DMD: variants seen among roughly 807,000 people sequenced by gnomAD.
The protein encoded by DMD is mutant dystrophin.
Under a neutral mutation model 330.1 loss-of-function variants are expected in DMD, and 63 were observed. The ratio of observed to expected loss-of-function variants is 0.19; its 90% confidence interval spans 0.16 to 0.24. The LOEUF is 0.24. Ranked by LOEUF, DMD falls within the 10% of genes least tolerant of loss-of-function variation. The pLI is 1.00. For synonymous variants in DMD, 1,223 were observed against 959.8 expected, an observed-to-expected ratio of 1.27 and a Z score of -5.07; for missense variants, 3,344 against 2,684.1, an observed-to-expected ratio of 1.25 and a Z score of -5.43.
intron 45 of DMD, among the ~76,000 whole-genome samples, chrX:31,963,787 CTTT>C (rs369054870): frequency 5.0e-5 from 4 of 80,428 alleles, no homozygotes; most frequent in Admixed American, 1.4e-4. Context: ...GAGGAAAAAC[CTTT>C]TTTTTTTTTT....
At chrX:32,598,465 A>G (rs1323694203) in intron 12 of DMD, among the ~76,000 whole-genome samples, 1 of 112,075 alleles carries the variant, frequency 8.9e-6, no homozygotes, top group African/African-American at 3.2e-5. Context: ...CCAGTGTATC[A>G]TAAGTTGGTT....
At chrX:32,084,800 T>C (rs2096418742) in intron 44 of DMD, among the ~76,000 whole-genome samples, 1 of 111,129 alleles carries the variant, frequency 9.0e-6, no homozygotes, top group Non-Finnish European at 1.9e-5. Flanking sequence ...TGAGAGCAAT[T>C]GAGATCCTCT....
chrX:32,651,392 C>G (rs1231003680), intron 9 of DMD, among the ~76,000 whole-genome samples: 1 of 111,856 alleles, frequency 8.9e-6, no homozygotes, highest in East Asian at 2.8e-4. Flanking sequence ...ATCCGCCCAC[C>G]TCAGCCTCCC....
chrX:31,975,059 T>C (rs2095426154), intron 44 of DMD, among the ~76,000 whole-genome samples: 1 of 110,138 alleles, frequency 9.1e-6, no homozygotes, highest in Non-Finnish European at 1.9e-5. Flanking sequence ...AAAGAAAAAA[T>C]CACGTGCTCC....
At chrX:31,139,474 TACACACACACACACACAC>T (rs57784155) in intron 76 of DMD, among the ~76,000 whole-genome samples, 1 of 98,584 alleles carries the variant, frequency 1.0e-5, no homozygotes, top group African/African-American at 3.8e-5. Context: ...GGTGTTTATA[TACACACACACACACACAC>T]ACACACACAC....
intron 44 of DMD, among the ~76,000 whole-genome samples, chrX:32,018,191 C>T (rs1359216718): frequency 3.6e-5 from 4 of 111,557 alleles, no homozygotes; most frequent in African/African-American, 9.8e-5. Context: ...TAATACTGTT[C>T]GATCTAATTG....
intron 7 of DMD, among the ~76,000 whole-genome samples, chrX:32,789,725 G>A (rs886290919): frequency 3.6e-5 from 4 of 110,299 alleles, no homozygotes; most frequent in African/African-American, 1.4e-4. Context: ...GAATTGTTGT[G>A]TACAAGACAT....
At chrX:32,572,729 G>C (rs1022780219) in intron 15 of DMD, among the ~76,000 whole-genome samples, 1 of 110,171 alleles carries the variant, frequency 9.1e-6, no homozygotes, top group African/African-American at 3.3e-5. Context: ...AGGTGATATT[G>C]TTTGGATCTC....
At chrX:32,863,509 CAAA>C (rs544421635) in intron 2 of DMD, among the ~76,000 whole-genome samples, 5 of 49,055 alleles carry the variant, frequency 1.0e-4, no homozygotes, top group Admixed American at 4.8e-4. Context: ...GACTCCGTCT[CAAA>C]AAAAAAAAAA....
At chrX:31,467,139 A>AT (rs998757406) in intron 59 of DMD, among the ~76,000 whole-genome samples, 2 of 111,375 alleles carry the variant, frequency 1.8e-5, no homozygotes, top group Non-Finnish European at 3.8e-5. Flanking sequence ...CTCTCTTCCT[A>AT]TTTGAATACC....
At chrX:31,135,784 C>CTCTGTTTG (rs746633255) in intron 76 of DMD, among the ~76,000 whole-genome samples, 13 of 112,424 alleles carry the variant, frequency 1.2e-4, no homozygotes, top group African/African-American at 4.2e-4. Context: ...TCTATTCAAG[C>CTCTGTTTG]TCTGTTTGTT....
intron 47 of DMD, among the ~76,000 whole-genome samples, chrX:31,919,626 C>T (rs2094660001): frequency 8.9e-6 from 1 of 112,284 alleles, no homozygotes; most frequent in South Asian, 3.7e-4. Context: ...ATTATAAGTG[C>T]AACATTCAGC....
intron 2 of DMD, among the ~76,000 whole-genome samples, chrX:32,953,204 C>A (rs1244959427): frequency 9.2e-6 from 1 of 108,970 alleles, no homozygotes; most frequent in African/African-American, 3.3e-5. Context: ...AGACCAGACT[C>A]ATTTTTATAT....
chrX:32,495,616 T>C (rs907807252), intron 19 of DMD, among the ~76,000 whole-genome samples: 6 of 112,007 alleles, frequency 5.4e-5, no homozygotes, highest in African/African-American at 1.9e-4. Context: ...CCAGAACTAC[T>C]GTTGATTTTC....
At chrX:32,609,594 T>C (rs2057003950) in intron 12 of DMD, among the ~76,000 whole-genome samples, 1 of 111,329 alleles carries the variant, frequency 9.0e-6, no homozygotes, top group Non-Finnish European at 1.9e-5. Context: ...GAATTATACC[T>C]AATCCTTCTC....
intron 18 of DMD, among the ~76,000 whole-genome samples, chrX:32,507,812 T>C (rs1382774613): frequency 1.8e-5 from 2 of 111,471 alleles, no homozygotes; most frequent in Non-Finnish European, 3.8e-5. Context: ...ATCAGCATTG[T>C]TGTATACCAT....
Position 32,448,625 on chromosome X carries a change from T to C in DMD, c.3617A>G (p.Glu1206Gly). The change falls in exon 27 of 79, where the codon GAG becomes GGG. Residue 1206 changes from glutamate (E) to glycine (G), a missense_variant. Glu to Gly is a moderately conservative substitution (Grantham distance 98, BLOSUM62 -2). Transcript: ENST00000357033. ...AVEEMKRAKE[E>G]AQQKEAKVKL... ...CACTTTCGCTTCTTTTTGTTGGGCCTCTTCTTTAGCTCTCTGAAAAATAAA... is the reference window on the plus strand; with the variant it reads ...CACTTTCGCTTCTTTTTGTTGGGCCCCTTCTTTAGCTCTCTGAAAAATAAA... 2 of 1,205,752 alleles carry C rather than the reference T, an allele frequency of 1.7e-6. No homozygotes were observed. The highest frequency in any genetic ancestry group is 3.5e-5 in the South Asian group (2 of 56,358).
intron 29 of DMD, among the ~76,000 whole-genome samples, chrX:32,417,468 T>C (rs2098170488): frequency 9.0e-6 from 1 of 111,277 alleles, no homozygotes; most frequent in South Asian, 3.8e-4. Flanking sequence ...TGACACCTAA[T>C]TACCAACTCT....
intron 53 of DMD, among the ~76,000 whole-genome samples, chrX:31,669,272 G>A (rs1020547657): frequency 9.0e-6 from 1 of 111,688 alleles, no homozygotes; most frequent in Non-Finnish European, 1.9e-5. Context: ...ATCAACACTT[G>A]TTATCATTCT....
Sources: allele counts gnomAD v4.1 joint callset (sites outside exome capture counted in the v4.1 genomes callset), GRCh38; gene constraint gnomAD v4.1.1; transcripts MANE v1.5; gene names NCBI Gene and HGNC (gene_info 2026-07-23, HGNC 2026-07-21).